FARP1: variants seen among roughly 807,000 people sequenced by gnomAD.
The protein encoded by FARP1 is FERM, ARHGEF and pleckstrin domain-containing protein 1.
FARP1 carries 52 observed loss-of-function variants against 128.8 expected under a neutral mutation model. The ratio of observed to expected loss-of-function variants is 0.40; its 90% CI spans 0.32 to 0.51. The LOEUF (loss-of-function observed/expected upper bound fraction) is 0.51. Among genes scored for constraint, FARP1 ranks in the 20% least tolerant of loss-of-function variants. The pLI is 0.45. For missense variants in FARP1, 1,333 were observed against 1,367.9 expected, an observed-to-expected ratio of 0.97 and a Z score of 0.40; for synonymous variants, 580 against 551.8, an observed-to-expected ratio of 1.05 and a Z score of -0.72.
At chr13:98,165,959 A>T (rs529075484) in intron 1 of FARP1, among the ~76,000 whole-genome samples, 76 of 152,032 alleles carry the variant, frequency 5.0e-4, no homozygotes, top group African/African-American at 1.8e-3. Flanking sequence ...ATCTCAGGTG[A>T]TCCACCTGCC....
chr13:98,263,917 T>G (rs528534932), intron 2 of FARP1, among the ~76,000 whole-genome samples: 3 of 152,360 alleles, frequency 2.0e-5, no homozygotes, highest in African/African-American at 7.2e-5. Context: ...AATGACTTGT[T>G]ATAACCGTTG....
intron 1 of FARP1, among the ~76,000 whole-genome samples, chr13:98,148,325 C>A (rs1400231936): frequency 6.6e-6 from 1 of 152,204 alleles, no homozygotes; most frequent in Non-Finnish European, 1.5e-5. Context: ...TTGTGGTGAG[C>A]TGAGATTACG....
At chr13:98,290,874 G>C (rs893144012) in intron 2 of FARP1, among the ~76,000 whole-genome samples, 2 of 152,162 alleles carry the variant, frequency 1.3e-5, no homozygotes, top group Admixed American at 6.5e-5. Flanking sequence ...TTTCAGAAGG[G>C]AAAGACCAAG....
intron 2 of FARP1, among the ~76,000 whole-genome samples, chr13:98,259,260 TA>T (rs1883758405): frequency 6.6e-6 from 1 of 151,364 alleles, no homozygotes; most frequent in Non-Finnish European, 1.5e-5. Context: ...TCTATGTGTA[TA>T]TATAGAGTAT....
At chr13:98,183,881 C>CT (rs1878689947) in intron 1 of FARP1, among the ~76,000 whole-genome samples, 1 of 152,130 alleles carries the variant, frequency 6.6e-6, no homozygotes, top group South Asian at 2.1e-4. Flanking sequence ...CTCTCACAGC[C>CT]AGTCCCCTTA....
chr13:98,245,959 T>C (rs1883028016), intron 2 of FARP1, among the ~76,000 whole-genome samples: 1 of 151,750 alleles, frequency 6.6e-6, no homozygotes, highest in Non-Finnish European at 1.5e-5. Flanking sequence ...TATATTTTAG[T>C]AGAGACGAGG....
At chr13:98,282,959 AT>A (rs1177856591) in intron 2 of FARP1, among the ~76,000 whole-genome samples, 2 of 151,988 alleles carry the variant, frequency 1.3e-5, no homozygotes, top group African/African-American at 2.4e-5. Flanking sequence ...CAAATGCTTT[AT>A]TTTTTTTGAC....
At chr13:98,299,604 C>A (rs1276406958) in intron 2 of FARP1, among the ~76,000 whole-genome samples, 1 of 152,098 alleles carries the variant, frequency 6.6e-6, no homozygotes, top group Non-Finnish European at 1.5e-5. Flanking sequence ...CAGTCTGGGC[C>A]CCAAAGAACC....
At chr13:98,426,012 C>A (rs1594522173) in intron 17 of FARP1, among the ~76,000 whole-genome samples, 1 of 152,142 alleles carries the variant, frequency 6.6e-6, no homozygotes, top group Admixed American at 6.5e-5. Context: ...AGCTAGCAAC[C>A]CCTTAAAGAA....
intron 2 of FARP1, among the ~76,000 whole-genome samples, chr13:98,247,580 G>C (rs747384473): frequency 6.6e-6 from 1 of 152,220 alleles, no homozygotes; most frequent in Admixed American, 6.5e-5. Flanking sequence ...AGGGAAGACG[G>C]AGAAGGATAC....
intron 2 of FARP1, among the ~76,000 whole-genome samples, chr13:98,247,982 A>G (rs566925695): frequency 1.8e-4 from 28 of 152,300 alleles, no homozygotes; most frequent in African/African-American, 5.5e-4. Context: ...TCCTGACACT[A>G]AGACCAGAAA....
intron 2 of FARP1, among the ~76,000 whole-genome samples, chr13:98,277,917 A>G (rs150804290): frequency 4.7e-5 from 5 of 105,856 alleles, no homozygotes; most frequent in South Asian, 6.3e-4. Flanking sequence ...AGGTGATTCT[A>G]TTGTGCAGCG....
At chr13:98,418,182 T>C (rs1891458760) in intron 16 of FARP1, among the ~76,000 whole-genome samples, 1 of 152,250 alleles carries the variant, frequency 6.6e-6, no homozygotes, top group African/African-American at 2.4e-5. Context: ...TTCAAGGTGC[T>C]AGGATTATGG....
chr13:98,148,863 C>T (rs1159403236), intron 1 of FARP1, among the ~76,000 whole-genome samples: 1 of 151,914 alleles, frequency 6.6e-6, no homozygotes, highest in South Asian at 2.1e-4. Flanking sequence ...CTGGCTATGA[C>T]ATGTCTAGGT....
At chr13:98,179,833 G>C (rs1157946701) in intron 1 of FARP1, among the ~76,000 whole-genome samples, 4 of 151,994 alleles carry the variant, frequency 2.6e-5, no homozygotes, top group Non-Finnish European at 5.9e-5. Flanking sequence ...CTCCAGCCTG[G>C]GTGACTGAGC....
intron 2 of FARP1, among the ~76,000 whole-genome samples, chr13:98,216,380 G>T (rs1354080992): frequency 6.6e-6 from 1 of 152,110 alleles, no homozygotes. Flanking sequence ...GAAACTTTTT[G>T]CTGGGAATTC....
chr13:98,235,978 T>C lies in FARP1; in HGVS notation c.171+22565T>C, dbSNP rs889617742. Among the ~76,000 whole-genome samples, 6 of 152,138 alleles carry C rather than the reference T, an allele frequency of 3.9e-5. No homozygotes were observed. The East Asian group carries it at 1.2e-3, about 29-fold the overall frequency. On this transcript the variant is annotated intron_variant, in intron 2 of 26. Transcript: ENST00000319562. ...AGCTGGGATTACAGGCATGTCCCAC[T>C]ACACACAACTAATTTTTGTATTTTT...
chr13:98,158,262 A>T (rs1876631796), intron 1 of FARP1, among the ~76,000 whole-genome samples: 1 of 152,152 alleles, frequency 6.6e-6, no homozygotes, highest in Non-Finnish European at 1.5e-5. Flanking sequence ...AAAACCTTAA[A>T]TTTTTTTCCC....
At chr13:98,185,736 C>T (rs183763656) in intron 1 of FARP1, among the ~76,000 whole-genome samples, 1 of 151,212 alleles carries the variant, frequency 6.6e-6, no homozygotes, top group Non-Finnish European at 1.5e-5. Context: ...CTCTCTCTGT[C>T]GCCCAGGCTG....
Sources: allele counts gnomAD v4.1 joint callset (sites outside exome capture counted in the v4.1 genomes callset), GRCh38; gene constraint gnomAD v4.1.1; transcripts MANE v1.5; gene names NCBI Gene and HGNC (gene_info 2026-07-23, HGNC 2026-07-21).